The following C1QTNF3 variants were observed in gnomAD, a reference collection of about 807,000 sequenced individuals.
The protein encoded by C1QTNF3 is complement C1q tumor necrosis factor-related protein 3.
Under a neutral mutation model 32.6 loss-of-function variants are expected in C1QTNF3, and 26 were observed. The ratio of observed to expected loss-of-function variants is 0.80; its 90% CI spans 0.58 to 1.11. The LOEUF is 1.11. C1QTNF3 is among the 50% of genes least tolerant of loss of function. The probability of loss-of-function intolerance (pLI) is 0.00; values close to 1 mark genes in which losing one functional copy is unlikely to be tolerated. For synonymous variants in C1QTNF3, 155 were observed against 146.0 expected (o/e 1.06, Z -0.44); for missense variants, 362 against 398.2 (o/e 0.91, Z 0.77).
At chr5:34,102,627 T>C in the C1QTNF3 span, among the ~76,000 whole-genome samples, 12 of 152,142 alleles carry the variant, frequency 7.9e-5, no homozygotes. Context: ...TATGTAAGTT[T>C]ATAAAGAAAC....
chr5:34,032,062 A>T (rs1171825021), intron 3 of C1QTNF3, among the ~76,000 whole-genome samples: 1 of 152,250 alleles, frequency 6.6e-6, no homozygotes, highest in Non-Finnish European at 1.5e-5. Flanking sequence ...GCAGTACTTT[A>T]TCTCAGTTAC....
chr5:34,142,665 A>G, the C1QTNF3 span, among the ~76,000 whole-genome samples: 6 of 152,252 alleles, frequency 3.9e-5, no homozygotes, highest in South Asian at 4.1e-4. Flanking sequence ...AAACTAAAAC[A>G]TCAAATATCT....
chr5:34,039,211 C>T (rs1315405071), intron 1 of C1QTNF3, among the ~76,000 whole-genome samples: 1 of 152,126 alleles, frequency 6.6e-6, no homozygotes, highest in Non-Finnish European at 1.5e-5. Context: ...ATGTGGACAA[C>T]CCACCCCAAG....
chr5:34,177,624 T>C, the C1QTNF3 span, among the ~76,000 whole-genome samples: 1 of 151,554 alleles, frequency 6.6e-6, no homozygotes, highest in Admixed American at 6.6e-5. Flanking sequence ...GTAGCTGGGA[T>C]TACAGGTACA....
At chr5:34,168,841 A>G in the C1QTNF3 span, 1 of 152,192 alleles carries the variant, frequency 6.6e-6, no homozygotes, top group African/African-American at 2.4e-5. Context: ...TAGTTACTAT[A>G]TACCAGTTGC....
the C1QTNF3 span, among the ~76,000 whole-genome samples, chr5:34,140,709 C>T: frequency 6.6e-6 from 1 of 152,188 alleles, no homozygotes; most frequent in Admixed American, 6.5e-5. Flanking sequence ...TGATAGATTT[C>T]TCACCCGCAG....
the C1QTNF3 span, among the ~76,000 whole-genome samples, chr5:34,074,587 C>T: frequency 6.6e-6 from 1 of 151,714 alleles, no homozygotes; most frequent in South Asian, 2.1e-4. Flanking sequence ...AAAGCAAAGC[C>T]CCACTTTGTT....
the C1QTNF3 span, among the ~76,000 whole-genome samples, chr5:34,161,511 A>AT: frequency 1.3e-5 from 2 of 152,158 alleles, no homozygotes; most frequent in South Asian, 4.2e-4. Flanking sequence ...AGTGAAATTA[A>AT]TTTTAAAATT....
chr5:34,096,700 A>G, the C1QTNF3 span, among the ~76,000 whole-genome samples: 1 of 150,936 alleles, frequency 6.6e-6, no homozygotes, highest in Non-Finnish European at 1.5e-5. Context: ...AAATAGCTAA[A>G]TAAGTAGAGA....
the C1QTNF3 span, among the ~76,000 whole-genome samples, chr5:34,113,757 C>T: frequency 6.6e-6 from 1 of 151,844 alleles, no homozygotes; most frequent in Non-Finnish European, 1.5e-5. Context: ...GGAACATAAC[C>T]CAAAAAGCAC....
chr5:34,209,691 T>C, the C1QTNF3 span, among the ~76,000 whole-genome samples: 5 of 152,154 alleles, frequency 3.3e-5, no homozygotes, highest in Non-Finnish European at 5.9e-5. Flanking sequence ...TTGATGGCTG[T>C]TAAAACTTAA....
the C1QTNF3 span, among the ~76,000 whole-genome samples, chr5:34,208,009 C>G: frequency 6.6e-6 from 1 of 152,152 alleles, no homozygotes; most frequent in Non-Finnish European, 1.5e-5. Flanking sequence ...CCACAATGGT[C>G]TCAATCACCT....
chr5:34,101,408 T>C, the C1QTNF3 span, among the ~76,000 whole-genome samples: 1 of 152,134 alleles, frequency 6.6e-6, no homozygotes, highest in Admixed American at 6.6e-5. Context: ...AAGGTTGATG[T>C]GAGAACAAGC....
chr5:34,202,205 GAACGAA>G, the C1QTNF3 span, among the ~76,000 whole-genome samples: 1 of 151,940 alleles, frequency 6.6e-6, no homozygotes, highest in East Asian at 1.9e-4. Flanking sequence ...TCAAAGAGTG[GAACGAA>G]AGTTGAGGAA....
At chr5:34,235,505 A>C in the C1QTNF3 span, among the ~76,000 whole-genome samples, 1 of 130,292 alleles carries the variant, frequency 7.7e-6, no homozygotes, top group Non-Finnish European at 1.7e-5. Context: ...ACTCAACTCT[A>C]TCCACTTTCT....
the C1QTNF3 span, among the ~76,000 whole-genome samples, chr5:34,138,541 A>T: frequency 3.3e-5 from 5 of 152,224 alleles, no homozygotes; most frequent in South Asian, 4.1e-4. Context: ...CTGAAGTTCA[A>T]AGTGATGCTT....
At chr5:34,228,759 C>T in the C1QTNF3 span, among the ~76,000 whole-genome samples, 1 of 151,944 alleles carries the variant, frequency 6.6e-6, no homozygotes, top group Non-Finnish European at 1.5e-5. Flanking sequence ...TTTCATTTTC[C>T]TAGTTAACTT....
the C1QTNF3 span, among the ~76,000 whole-genome samples, chr5:34,048,690 CAAA>C: frequency 1.8e-4 from 25 of 137,832 alleles, no homozygotes; most frequent in Non-Finnish European, 1.6e-4. Context: ...AACAGCAAGC[CAAA>C]AAAAAAAAAA....
At chr5:34,075,834 A>G in the C1QTNF3 span, among the ~76,000 whole-genome samples, 2 of 150,238 alleles carry the variant, frequency 1.3e-5, no homozygotes, top group Non-Finnish European at 2.9e-5. Context: ...AGATGGAAGG[A>G]CCCCCAGGTG....
Sources: allele counts gnomAD v4.1 joint callset (sites outside exome capture counted in the v4.1 genomes callset), GRCh38; gene constraint gnomAD v4.1.1; transcripts MANE v1.5; gene names NCBI Gene and HGNC (gene_info 2026-07-23, HGNC 2026-07-21).